EPRS1: variants seen among roughly 807,000 people sequenced by gnomAD.
EPRS1 encodes bifunctional glutamate/proline--tRNA ligase.
EPRS1 carries 107 observed loss-of-function variants against 188.3 expected under a neutral mutation model. The ratio of observed to expected loss-of-function variants is 0.57; its 90% CI spans 0.49 to 0.67. EPRS1 has a LOEUF of 0.67. Among genes scored for constraint, EPRS1 ranks in the 30% least tolerant of loss-of-function variants. The probability of loss-of-function intolerance (pLI) is 0.00; values close to 1 mark genes in which losing one functional copy is unlikely to be tolerated. For missense variants in EPRS1, 1,577 were observed against 1,802.2 expected (o/e 0.88, Z 2.26); for synonymous variants, 596 against 593.1 (o/e 1.00, Z -0.07).
intron 28 of EPRS1, among the ~76,000 whole-genome samples, chr1:219,977,606 A>T (rs1660804991): frequency 6.6e-6 from 1 of 152,194 alleles, no homozygotes; most frequent in Non-Finnish European, 1.5e-5. Flanking sequence ...GTAAGCAAAA[A>T]GGAGTGCAAT....
At chr1:220,040,120 T>C in intron 2 of EPRS1, 65 bp downstream of exon 2, 1 of 1,081,814 alleles carries the variant, frequency 9.2e-7, no homozygotes, top group Non-Finnish European at 1.4e-6. Flanking sequence ...ACTCTGTCTC[T>C]AAAAAAACTC....
intron 17 of EPRS1, among the ~76,000 whole-genome samples, chr1:219,997,765 A>C (rs1661264928): frequency 6.6e-6 from 1 of 152,196 alleles, no homozygotes; most frequent in Admixed American, 6.5e-5. Context: ...GGGAAAATAA[A>C]AAGTAATCTG....
chr1:219,968,860 A>G lies in EPRS1; in HGVS notation c.4485T>C (p.Cys1495=), dbSNP rs752878013. ...PLCELQPGAK[C]VCGKNPAKYY... is the part of the protein sequence containing the mutation. ...ACTTGGCAGGGTTCTTGCCACAGACACATTTGGCTCCAGGCTGCAGTTCAC... is the reference window on the plus strand; with the variant it reads ...ACTTGGCAGGGTTCTTGCCACAGACGCATTTGGCTCCAGGCTGCAGTTCAC... Residue 1495 remains cysteine, a synonymous_variant, in exon 32 of 32, where the codon TGT becomes TGC. Coordinates refer to ENST00000366923, the MANE Select transcript of EPRS1 (RefSeq NM_004446.3). The G allele has an allele frequency of 1.2e-6, 2 of 1,614,180 alleles. No homozygotes were observed. The highest frequency in any genetic ancestry group is 3.3e-5 in the Admixed American group (2 of 60,028).
At chr1:220,005,814 A>G (rs555391122) in intron 15 of EPRS1, among the ~76,000 whole-genome samples, 24 of 134,756 alleles carry the variant, frequency 1.8e-4, no homozygotes, top group Non-Finnish European at 7.6e-5. Flanking sequence ...CATTACTTAC[A>G]TCGTTTTTTT....
intron 1 of EPRS1, among the ~76,000 whole-genome samples, chr1:220,041,090 G>A (rs970649786): frequency 2.0e-4 from 31 of 151,982 alleles, no homozygotes; most frequent in African/African-American, 7.2e-4. Context: ...CAGCACTTTG[G>A]GAGGCTGAGG....
intron 24 of EPRS1, 79 bp from the exon 25 acceptor site, chr1:219,980,936 G>A (rs768454700): frequency 2.6e-5 from 24 of 916,220 alleles, no homozygotes; most frequent in Non-Finnish European, 4.2e-5. Context: ...GTCTTGCTCT[G>A]TCCCCCAGGC....
At chr1:219,970,964 G>A (rs1157157974) in intron 30 of EPRS1, among the ~76,000 whole-genome samples, 1 of 152,078 alleles carries the variant, frequency 6.6e-6, no homozygotes, top group African/African-American at 2.4e-5. Flanking sequence ...GAAAGCCAGA[G>A]AGATTAATTT....
chr1:220,036,951 C>T (rs1662193076), intron 2 of EPRS1, among the ~76,000 whole-genome samples: 1 of 150,636 alleles, frequency 6.6e-6, no homozygotes, highest in Non-Finnish European at 1.5e-5. Context: ...ATACTAAAAA[C>T]ATAATAGCCA....
chr1:220,039,341 G>A (rs1172625341), intron 2 of EPRS1, among the ~76,000 whole-genome samples: 1 of 152,146 alleles, frequency 6.6e-6, no homozygotes, highest in African/African-American at 2.4e-5. Flanking sequence ...AGCTGGTGTT[G>A]CAGATGGGCT....
intron 23 of EPRS1, 46 bp from the exon 24 acceptor site, chr1:219,981,503 C>G (rs1353967398): frequency 8.0e-7 from 1 of 1,252,480 alleles, no homozygotes; most frequent in African/African-American, 1.5e-5. Context: ...GGCTTTATTT[C>G]TCCTTTAGGG....
At chr1:220,009,692 GA>G (rs1013130228) in intron 13 of EPRS1, among the ~76,000 whole-genome samples, 6 of 149,906 alleles carry the variant, frequency 4.0e-5, no homozygotes, top group Non-Finnish European at 3.0e-5. Context: ...TCAAAATTAA[GA>G]AAAAAAAAAA....
rs1393588218 is a variant in EPRS1, at chr1:219,984,242, T to C, written c.3054A>G (p.Ala1018=). The change falls in exon 21 of 32, where the codon GCA becomes GCG. Residue 1018 remains alanine (A), a synonymous_variant. Transcript: ENST00000366923. The part of the protein sequence containing the change: ...PKKQTRLGLE[A]KKEENLADWY... ...AATCAGCAAGATTTTCTTCTTTTTT[T>C]GCCTCAAGACCCAACCTGCAGATGT... 1.9e-6 allele frequency: 3 copies of C among 1,613,484 alleles called. No individual in the cohort carries two copies. Among genetic ancestry groups the C allele is most frequent in the Non-Finnish European group, 2.5e-6 (3 of 1,179,446 alleles).
At chr1:219,986,166 G>A (rs1272467794) in intron 20 of EPRS1, among the ~76,000 whole-genome samples, 1 of 152,172 alleles carries the variant, frequency 6.6e-6, no homozygotes, top group African/African-American at 2.4e-5. Flanking sequence ...AAGTATCTCA[G>A]TAACAGCTTT....
At chr1:220,041,469 A>G (rs6683340) in intron 1 of EPRS1, among the ~76,000 whole-genome samples, 3,433 of 152,344 alleles carry the variant, frequency 0.023, 68 homozygotes, top group East Asian at 0.067. Context: ...CATGTAGTCC[A>G]CAGCTCAAAC....
chr1:220,035,355 T>C (rs1349938841), intron 2 of EPRS1, among the ~76,000 whole-genome samples: 1 of 152,100 alleles, frequency 6.6e-6, no homozygotes, highest in Admixed American at 6.5e-5. Context: ...TTTCACAATG[T>C]TGGCCAGGCT....
At chr1:220,033,193 T>C (rs1286668281) in intron 4 of EPRS1, among the ~76,000 whole-genome samples, 2 of 151,778 alleles carry the variant, frequency 1.3e-5, no homozygotes, top group Admixed American at 1.3e-4. Flanking sequence ...ATAGCTGAAG[T>C]AGGAGAGGTG....
intron 1 of EPRS1, among the ~76,000 whole-genome samples, chr1:220,043,946 T>C (rs993548963): frequency 4.6e-5 from 7 of 152,196 alleles, no homozygotes; most frequent in African/African-American, 1.7e-4. Flanking sequence ...GGATGGGGTC[T>C]GTGCATTAGA....
At chr1:219,994,640 CT>C (rs71169424) in intron 18 of EPRS1, among the ~76,000 whole-genome samples, 299 of 109,324 alleles carry the variant, frequency 2.7e-3, no homozygotes, top group East Asian at 8.9e-3. Context: ...GTAACTTCTT[CT>C]TTTTTTTTTT....
Position 219,979,462 on chromosome 1 carries a change from C to T in EPRS1, c.3865G>A (p.Asp1289Asn). The stretch of plus-strand genomic sequence containing the variant: ...GGTGGTAATACTAAACCCATGTTGT[C>T]CCCATGAACCATGGTCATAACACCA... ...TIGVMTMVHG[D>N]NMGLVLPPRV... is the part of the protein sequence containing the mutation. The change falls in exon 27 of 32, where the codon GAC becomes AAC. Residue 1289 changes from aspartate (D) to asparagine (N), a missense_variant. By Grantham distance (23) the Asp-to-Asn change is conservative (BLOSUM62 1). This residue lies in a region of EPRS1 where 296 missense variants were observed against 327.9 expected (regional missense o/e 0.90). Coordinates refer to ENST00000366923, the MANE Select transcript of EPRS1 (RefSeq NM_004446.3). 6.2e-7 allele frequency: 1 copy of T among 1,614,004 alleles called. No homozygotes were observed. Among genetic ancestry groups the T allele is most frequent in the East Asian group, 2.2e-5 (1 of 44,852 alleles).
Sources: gnomAD v4.1 joint callset for allele counts (sites outside exome capture counted in the v4.1 genomes callset) on GRCh38, gnomAD v4.1.1 for gene constraint, gnomAD v4.1.1 regional missense constraint, MANE v1.5 for transcripts, NCBI Gene and HGNC (gene_info 2026-07-23, HGNC 2026-07-21) for gene names.